EPSTI1: variants seen among roughly 807,000 people sequenced by gnomAD.
EPSTI1 encodes epithelial-stromal interaction protein 1.
In EPSTI1, 66 loss-of-function variants were observed where a neutral mutation model predicts 49.9. The observed-to-expected ratio is 1.32, with a 90% CI of 1.08 to 1.62. EPSTI1 has a LOEUF of 1.62. Among genes scored for constraint, EPSTI1 ranks in the 40% most tolerant of loss-of-function variants. The probability of loss-of-function intolerance (pLI) is 0.00; values close to 1 mark genes in which losing one functional copy is unlikely to be tolerated. For synonymous variants in EPSTI1, 137 were observed against 130.7 expected (o/e 1.05, Z -0.33); for missense variants, 394 against 365.5 (o/e 1.08, Z -0.64).
intron 1 of EPSTI1, among the ~76,000 whole-genome samples, chr13:42,979,054 A>AT (rs1345892253): frequency 1.3e-5 from 2 of 152,092 alleles, no homozygotes; most frequent in Admixed American, 6.5e-5. Flanking sequence ...ATTAGTACAT[A>AT]TTTTTTCTCC....
chr13:42,958,497 T>C (rs1231341218), intron 5 of EPSTI1, among the ~76,000 whole-genome samples: 1 of 151,972 alleles, frequency 6.6e-6, no homozygotes, highest in Non-Finnish European at 1.5e-5. Flanking sequence ...GCTTAACTGA[T>C]AGAGAAGCAA....
chr13:42,948,418 G>A (rs1044916319), intron 6 of EPSTI1, among the ~76,000 whole-genome samples: 4 of 128,340 alleles, frequency 3.1e-5, no homozygotes, highest in African/African-American at 1.2e-4. Context: ...CTCCAGAGTG[G>A]CTTGTTGTTT....
intron 6 of EPSTI1, among the ~76,000 whole-genome samples, chr13:42,928,675 A>G (rs1379893463): frequency 2.0e-5 from 3 of 152,230 alleles, no homozygotes; most frequent in Non-Finnish European, 4.4e-5. Flanking sequence ...CCCTTCAGGA[A>G]AATCTCGCCT....
intron 8 of EPSTI1, among the ~76,000 whole-genome samples, chr13:42,914,798 T>C (rs1442127510): frequency 6.6e-6 from 1 of 152,150 alleles, no homozygotes. Context: ...TGACCTACTG[T>C]CACCAACTGT....
chr13:42,908,252 G>A (rs147147646), intron 8 of EPSTI1, among the ~76,000 whole-genome samples: 4 of 152,294 alleles, frequency 2.6e-5, no homozygotes, highest in African/African-American at 7.2e-5. Context: ...TTGGGAGGCC[G>A]AGGCAGGCAG....
At chr13:42,892,929 C>G (rs950741156) in intron 10 of EPSTI1, among the ~76,000 whole-genome samples, 2 of 151,898 alleles carry the variant, frequency 1.3e-5, no homozygotes, top group African/African-American at 4.8e-5. Context: ...GTCACAGAAG[C>G]TAAGTAAAGA....
intron 9 of EPSTI1, among the ~76,000 whole-genome samples, chr13:42,897,628 T>C (rs1047993303): frequency 5.3e-5 from 8 of 152,246 alleles, no homozygotes; most frequent in African/African-American, 1.9e-4. Context: ...CTGCGAAGAC[T>C]GATGCCTTGT....
At chr13:42,974,513 G>A (rs1026727688) in intron 1 of EPSTI1, among the ~76,000 whole-genome samples, 6 of 150,950 alleles carry the variant, frequency 4.0e-5, no homozygotes, top group Non-Finnish European at 8.9e-5. Context: ...AAAAAAATTA[G>A]CCGGGCGTGG....
At chr13:42,941,636 A>G (rs565524576) in intron 6 of EPSTI1, among the ~76,000 whole-genome samples, 6 of 151,010 alleles carry the variant, frequency 4.0e-5, no homozygotes, top group East Asian at 3.9e-4. Context: ...AAAACAGAAA[A>G]AAAATTTTTT....
intron 1 of EPSTI1, among the ~76,000 whole-genome samples, chr13:42,988,365 C>A (rs1347946384): frequency 1.3e-5 from 2 of 152,158 alleles, no homozygotes; most frequent in Non-Finnish European, 2.9e-5. Context: ...ACAAAAATCA[C>A]CAAGTAAAAA....
intron 1 of EPSTI1, among the ~76,000 whole-genome samples, chr13:42,983,942 T>A (rs1465260648): frequency 6.6e-6 from 1 of 152,228 alleles, no homozygotes; most frequent in East Asian, 1.9e-4. Flanking sequence ...ACTAATTTAC[T>A]TTATGCTACA....
intron 6 of EPSTI1, among the ~76,000 whole-genome samples, chr13:42,933,292 AATT>A (rs929008205): frequency 2.7e-5 from 4 of 150,916 alleles, no homozygotes; most frequent in Admixed American, 2.6e-4. Context: ...CTAAGTTGGA[AATT>A]ATTTCAACAT....
chr13:42,975,473 C>T (rs1374624898), intron 1 of EPSTI1, among the ~76,000 whole-genome samples: 4 of 152,074 alleles, frequency 2.6e-5, no homozygotes, highest in East Asian at 3.8e-4. Context: ...CTCTGTTAGA[C>T]GGCTGAATAC....
chr13:42,953,452 G>A (rs1212683386), intron 6 of EPSTI1, among the ~76,000 whole-genome samples: 4 of 152,178 alleles, frequency 2.6e-5, no homozygotes, highest in Admixed American at 6.5e-5. Context: ...GTTAGCTGCT[G>A]TTGTTCACAA....
intron 7 of EPSTI1, among the ~76,000 whole-genome samples, chr13:42,921,412 A>G (rs2037989237): frequency 6.6e-6 from 1 of 152,210 alleles, no homozygotes. Context: ...ATGAGAGCTG[A>G]ATAAAGATAG....
At chr13:42,909,351 A>G (rs1208878464) in intron 8 of EPSTI1, among the ~76,000 whole-genome samples, 2 of 152,174 alleles carry the variant, frequency 1.3e-5, no homozygotes, top group Non-Finnish European at 2.9e-5. Context: ...GGTGTAAATT[A>G]GTACAGCCAT....
chr13:42,895,201 G>T lies in EPSTI1; in HGVS notation c.816-93C>A, dbSNP rs371188779. The T allele has an allele frequency of 7.6e-6, 7 of 918,472 alleles. No individual in the cohort carries two copies. The African/African-American group carries it at 8.4e-5, about 11-fold the overall frequency. 56.9% of individuals were successfully genotyped at this position (918,472 alleles called of 1,614,324 possible). On this transcript the variant is annotated intron_variant, in intron 9 of 10. Transcript: ENST00000313624. ...TAATGTGTTGTATGAACTGACCATG[G>T]GGATAGCTTCCTGGCTTCAGCTTAG... is the stretch of plus-strand genomic sequence containing the variant.
intron 8 of EPSTI1, among the ~76,000 whole-genome samples, chr13:42,908,806 G>A (rs1306012734): frequency 1.3e-5 from 2 of 152,010 alleles, no homozygotes; most frequent in Non-Finnish European, 2.9e-5. Flanking sequence ...AAAAGGGCCA[G>A]GCGCAGTGGC....
intron 8 of EPSTI1, among the ~76,000 whole-genome samples, chr13:42,913,285 C>T (rs1299525399): frequency 6.6e-6 from 1 of 151,810 alleles, no homozygotes; most frequent in Non-Finnish European, 1.5e-5. Context: ...AAAAGGAAAA[C>T]CAGACATTTC....
Sources: allele counts gnomAD v4.1 joint callset (sites outside exome capture counted in the v4.1 genomes callset), GRCh38; gene constraint gnomAD v4.1.1; transcripts MANE v1.5; gene names NCBI Gene and HGNC (gene_info 2026-07-23, HGNC 2026-07-21).